The following PRKD1 variants were observed in gnomAD, a reference collection of about 807,000 sequenced individuals.
PRKD1 encodes the protein serine/threonine-protein kinase D1.
A neutral mutation model predicts 95.9 loss-of-function variants in PRKD1; 63 were observed. That is an observed-to-expected ratio of 0.66 (90% CI 0.54 to 0.81). PRKD1 has a LOEUF of 0.81. Ranked by LOEUF, PRKD1 falls within the 30% of genes least tolerant of loss-of-function variation. The probability of loss-of-function intolerance (pLI) is 0.00; values close to 1 mark genes in which losing one functional copy is unlikely to be tolerated. For missense variants in PRKD1, 1,048 were observed against 1,165.3 expected, an observed-to-expected ratio of 0.90 and a Z score of 1.47; for synonymous variants, 425 against 423.1, an observed-to-expected ratio of 1.00 and a Z score of -0.05.
chr14:29,927,016 A>T (rs564917134), intron 1 of PRKD1, among the ~76,000 whole-genome samples: 1 of 152,018 alleles, frequency 6.6e-6, no homozygotes. Flanking sequence ...GGCGGACTGG[A>T]GAGAAATCGG....
intron 1 of PRKD1, among the ~76,000 whole-genome samples, chr14:29,925,881 C>T (rs1895277389): frequency 6.6e-6 from 1 of 152,178 alleles, no homozygotes; most frequent in Non-Finnish European, 1.5e-5. Flanking sequence ...GTATACAAGG[C>T]TTTCACAGTG....
At chr14:29,793,498 G>C (rs1416707177) in intron 1 of PRKD1, among the ~76,000 whole-genome samples, 2 of 152,050 alleles carry the variant, frequency 1.3e-5, no homozygotes, top group East Asian at 3.9e-4. Context: ...GAATATCACA[G>C]CTATCTTTTC....
At chr14:29,614,703 ATAT>A (rs1002362090) in intron 13 of PRKD1, among the ~76,000 whole-genome samples, 1 of 151,656 alleles carries the variant, frequency 6.6e-6, no homozygotes, top group African/African-American at 2.4e-5. Context: ...ATATACACAT[ATAT>A]TTTTTTTTTT....
In PRKD1 at chr14:29,848,656, T is replaced by C. The variant is rs576243181; in HGVS notation, c.264+78593A>G. The stretch of plus-strand genomic sequence containing the variant: ...GCTACCACATTATCAGATTCAAGTG[T>C]CTGATTCTCAACAAAAAATCACAAT... On this transcript the variant is annotated intron_variant, in intron 1 of 17. Coordinates refer to ENST00000331968, the MANE Select transcript of PRKD1 (RefSeq NM_002742.3). Among the ~76,000 whole-genome samples, 5 of 150,830 alleles carry C rather than the reference T, an allele frequency of 3.3e-5. No homozygotes were observed. The South Asian group carries it at 8.3e-4, about 25-fold the overall frequency.
chr14:29,906,771 T>C (rs1416637145), intron 1 of PRKD1, among the ~76,000 whole-genome samples: 1 of 152,214 alleles, frequency 6.6e-6, no homozygotes, highest in Non-Finnish European at 1.5e-5. Flanking sequence ...CAAATTCACT[T>C]CACAGGTGAG....
intron 16 of PRKD1, among the ~76,000 whole-genome samples, chr14:29,589,218 C>T (rs542954527): frequency 1.2e-4 from 19 of 152,262 alleles, no homozygotes; most frequent in Non-Finnish European, 2.4e-4. Context: ...TGTACTATGA[C>T]GCTAACAAAT....
At chr14:29,643,373 T>C (rs190916303) in intron 4 of PRKD1, among the ~76,000 whole-genome samples, 55 of 152,320 alleles carry the variant, frequency 3.6e-4, no homozygotes, top group Admixed American at 7.8e-4. Flanking sequence ...ATAAAAATTA[T>C]GAAGATCAAT....
At chr14:29,767,030 C>T (rs1888288745) in intron 1 of PRKD1, among the ~76,000 whole-genome samples, 1 of 152,120 alleles carries the variant, frequency 6.6e-6, no homozygotes, top group African/African-American at 2.4e-5. Context: ...TATTCCTTAT[C>T]ATGTGCAAAT....
At chr14:29,716,108 C>A (rs918224141) in intron 2 of PRKD1, among the ~76,000 whole-genome samples, 12 of 152,108 alleles carry the variant, frequency 7.9e-5, no homozygotes, top group Non-Finnish European at 1.8e-4. Flanking sequence ...CAAAAGTCCC[C>A]TTTGTGTGGT....
intron 2 of PRKD1, among the ~76,000 whole-genome samples, chr14:29,673,984 G>A (rs73257512): frequency 0.024 from 3,669 of 152,090 alleles, 132 homozygotes; most frequent in African/African-American, 0.078. Context: ...CTATAAAATG[G>A]GCTTCGTGTG....
At chr14:29,834,291 T>A (rs1891528189) in intron 1 of PRKD1, among the ~76,000 whole-genome samples, 1 of 152,150 alleles carries the variant, frequency 6.6e-6, no homozygotes, top group Non-Finnish European at 1.5e-5. Flanking sequence ...ACCATTGATC[T>A]ACTTTGTTTG....
chr14:29,641,279 C>T (rs1880744538), intron 4 of PRKD1, among the ~76,000 whole-genome samples: 1 of 151,986 alleles, frequency 6.6e-6, no homozygotes, highest in Non-Finnish European at 1.5e-5. Flanking sequence ...TAAAGAGTGC[C>T]CTCATACCAT....
chr14:29,721,382 CTTTA>C (rs1391528481), intron 2 of PRKD1, among the ~76,000 whole-genome samples: 1 of 152,136 alleles, frequency 6.6e-6, no homozygotes, highest in East Asian at 1.9e-4. Context: ...AAAACTGTGA[CTTTA>C]TTTGAGGAAT....
chr14:29,599,627 A>G (rs1566476893), intron 14 of PRKD1, 29 bp downstream of exon 14: 2 of 1,585,102 alleles, frequency 1.3e-6, no homozygotes, highest in African/African-American at 1.4e-5. Context: ...TAAATATTGT[A>G]TTTTTTCCGT....
intron 4 of PRKD1, among the ~76,000 whole-genome samples, chr14:29,648,717 C>T (rs572634231): frequency 6.6e-5 from 10 of 152,008 alleles, no homozygotes; most frequent in South Asian, 2.1e-4. Context: ...TGCAGTGGTG[C>T]GATCTCGGCT....
intron 1 of PRKD1, among the ~76,000 whole-genome samples, chr14:29,879,721 A>G (rs1008841507): frequency 7.9e-5 from 12 of 152,180 alleles, no homozygotes; most frequent in Non-Finnish European, 1.5e-4. Flanking sequence ...AGACTTTGAC[A>G]AAAACACTGA....
At chr14:29,648,481 TAG>T (rs755404204) in intron 4 of PRKD1, among the ~76,000 whole-genome samples, 2 of 152,160 alleles carry the variant, frequency 1.3e-5, no homozygotes, top group Non-Finnish European at 2.9e-5. Flanking sequence ...AGCTTTTTAT[TAG>T]AGTCTTTAAA....
chr14:29,752,838 G>C (rs1406875620), intron 1 of PRKD1, among the ~76,000 whole-genome samples: 2 of 152,020 alleles, frequency 1.3e-5, no homozygotes, highest in African/African-American at 2.4e-5. Flanking sequence ...CTGATTTCCT[G>C]TTTTTTCATA....
At position 29,634,460 on chromosome 14, in the gene PRKD1, C is replaced by A; in HGVS notation, c.1272G>T (p.Met424Ile). 1 of 1,614,122 alleles carries A rather than the reference C, an allele frequency of 6.2e-7. No individual in the cohort carries two copies. Among genetic ancestry groups the A allele is most frequent in the South Asian group, 1.1e-5 (1 of 91,086 alleles). Residue 424 changes from methionine (M) to isoleucine (I), a missense_variant, in exon 8 of 18, where the codon ATG becomes ATT. By Grantham distance (10) the Met-to-Ile change is conservative. Around this residue, in one of 3 missense-constraint regions of PRKD1, gnomAD observed 739 missense variants for 861.9 expected, o/e 0.86. Coordinates refer to ENST00000331968, the MANE Select transcript of PRKD1 (RefSeq NM_002742.3). ...KHTKRKSSTV[M>I]KEGWMVHYTS... ...TGTAGTGGACCATCCATCCTTCTTT[C>A]ATGACTGTGCTGCTTTTCCTCTTCG...
Sources: gnomAD v4.1 joint callset for allele counts (sites outside exome capture counted in the v4.1 genomes callset) on GRCh38, gnomAD v4.1.1 for gene constraint, gnomAD v4.1.1 regional missense constraint, MANE v1.5 for transcripts, NCBI Gene and HGNC (gene_info 2026-07-23, HGNC 2026-07-21) for gene names.